The following ZNF568 variants were observed in gnomAD, a reference collection of about 807,000 sequenced individuals.
ZNF568 encodes zinc finger protein 568.
A neutral mutation model predicts 18.1 loss-of-function variants in ZNF568; 11 were observed. That is an observed-to-expected ratio of 0.61 (90% CI 0.38 to 1.00). The LOEUF (loss-of-function observed/expected upper bound fraction) is 1.00, where lower values mean the gene tolerates loss of function less well. Ranked by LOEUF, ZNF568 falls within the 50% of genes least tolerant of loss-of-function variation. The probability of loss-of-function intolerance (pLI) is 0.01; values close to 1 mark genes in which losing one functional copy is unlikely to be tolerated. For missense variants in ZNF568, 639 were observed against 768.2 expected, an observed-to-expected ratio of 0.83 and a Z score of 1.99; for synonymous variants, 213 against 246.6, an observed-to-expected ratio of 0.86 and a Z score of 1.28.
intron 7 of ZNF568, chr19:36,974,505 G>A (rs949447560): frequency 6.6e-7 from 1 of 1,524,086 alleles, no homozygotes; most frequent in African/African-American, 1.4e-5. Flanking sequence ...AGGACTTACT[G>A]GTTTTCAGGA....
chr19:36,946,026 C>A (rs563294871), intron 6 of ZNF568, among the ~76,000 whole-genome samples: 1 of 151,784 alleles, frequency 6.6e-6, no homozygotes, highest in African/African-American at 2.4e-5. Context: ...ACCCGGGAGG[C>A]GGAGGTTGCA....
chr19:36,944,683 C>T (rs1329430400), intron 6 of ZNF568, among the ~76,000 whole-genome samples: 1 of 152,138 alleles, frequency 6.6e-6, no homozygotes, highest in East Asian at 1.9e-4. Flanking sequence ...TTCTCCCCAT[C>T]ATCTTCCCAG....
intron 6 of ZNF568, among the ~76,000 whole-genome samples, chr19:36,972,621 C>G (rs1460967643): frequency 7.6e-6 from 1 of 130,890 alleles, no homozygotes; most frequent in South Asian, 2.4e-4. Flanking sequence ...CTTAGCCACC[C>G]GGCTTTATCG....
At chr19:36,958,616 CTTTTTTTTTT>C (rs35494587) in intron 6 of ZNF568, among the ~76,000 whole-genome samples, 1 of 99,130 alleles carries the variant, frequency 1.0e-5, no homozygotes, top group African/African-American at 4.5e-5. Context: ...CTTTTTCTTT[CTTTTTTTTTT>C]TTTTTTTTTT....
rs769012662 is a variant in ZNF568, at chr19:36,922,724, T to A, written c.-47T>A. 2.6e-5 allele frequency: 41 copies of A among 1,570,042 alleles called. 1 individual carries two copies. The South Asian group carries it at 4.2e-4, about 16-fold the overall frequency. Reference sequence around the variant, plus strand: ...CCTGAAAGAGAGTGGACCCTGGAGTTGCTGGAGCTTGTCTTGACCCTTCTG... The same window carrying A: ...CCTGAAAGAGAGTGGACCCTGGAGTAGCTGGAGCTTGTCTTGACCCTTCTG... On this transcript the variant is annotated 5_prime_UTR_variant, in exon 3 of 7. Coordinates refer to ENST00000333987, the MANE Select transcript of ZNF568 (RefSeq NM_198539.4).
downstream of ZNF568, chr19:36,997,347 A>T (rs759661504): frequency 6.2e-7 from 1 of 1,602,374 alleles, no homozygotes; most frequent in South Asian, 1.1e-5. Flanking sequence ...AACTTACCCG[A>T]CATCAGAGAG....
chr19:36,954,647 G>T (rs1036521754), downstream of ZNF568, among the ~76,000 whole-genome samples: 5 of 150,660 alleles, frequency 3.3e-5, no homozygotes. Context: ...TTGGCTCACT[G>T]CAACCTCTGC....
At chr19:36,995,955 G>T (rs926141742) in intron 4 of ZNF568, among the ~76,000 whole-genome samples, 3 of 152,100 alleles carry the variant, frequency 2.0e-5, no homozygotes, top group African/African-American at 7.2e-5. Context: ...ACTTGTGAAC[G>T]TGTTACTCTT....
intron 4 of ZNF568, among the ~76,000 whole-genome samples, chr19:36,927,292 G>T (rs2146274431): frequency 6.6e-6 from 1 of 152,134 alleles, no homozygotes; most frequent in East Asian, 1.9e-4. Context: ...ATTAATATTA[G>T]ATCATAGAGA....
intron 2 of ZNF568, among the ~76,000 whole-genome samples, chr19:36,921,108 C>T (rs1428315871): frequency 1.3e-5 from 2 of 152,192 alleles, no homozygotes; most frequent in Non-Finnish European, 2.9e-5. Context: ...ACACATTTCT[C>T]AGAGCATATC....
In ZNF568 at chr19:36,925,231, GGAA is replaced by G; in HGVS notation, c.114_116del (p.Glu39del). The G allele has an allele frequency of 6.2e-7, 1 of 1,614,018 alleles. No homozygotes were observed. Among genetic ancestry groups the G allele is most frequent in the African/African-American group, 1.3e-5 (1 of 75,012 alleles). On this transcript the variant is annotated inframe_deletion, in exon 4 of 7. Coordinates refer to ENST00000333987, the MANE Select transcript of ZNF568 (RefSeq NM_198539.4). ...GTTCTCAAGAGTCTGCCCTTTCCGAGGAAGAAGAGGATACAACCAGGCCTCTTG... is the reference window on the plus strand; with the variant it reads ...GTTCTCAAGAGTCTGCCCTTTCCGAGGAAGAGGATACAACCAGGCCTCTTG...
At position 36,991,209 on chromosome 19, in the gene ZNF568, T is replaced by C. The variant is rs1421317628; in HGVS notation, c.43T>C (p.Ser15Pro). 1.4e-5 allele frequency: 21 copies of C among 1,536,266 alleles called. 1 individual carries two copies. The East Asian group carries it at 4.6e-4, about 34-fold the overall frequency. Residue 15 changes from serine (S) to proline (P), a missense_variant, in exon 3 of 5, where the codon TCT (serine) becomes CCT (proline). Coordinates refer to the ZNF568 transcript ENST00000433993. ...GTTCAAAGATGTGGTCATTTACTTC[T>C]CTCAAAAGGAGTGGGAATGCTTGCA...
chr19:36,992,207 C>T (rs1378934333), intron 4 of ZNF568, among the ~76,000 whole-genome samples: 1 of 145,946 alleles, frequency 6.9e-6, no homozygotes, highest in Non-Finnish European at 1.5e-5. Flanking sequence ...TGTACCACTA[C>T]ACTCCAGCCT....
At position 36,991,258 on chromosome 19, in the gene ZNF568, G is replaced by A. The variant is rs747747829; in HGVS notation, c.92G>A (p.Arg31Gln). Residue 31 changes from arginine to glutamine, a missense_variant, in exon 3 of 5, where the codon CGA (arginine) becomes CAA (glutamine). Arg to Gln is a conservative substitution (Grantham distance 43, BLOSUM62 1). Transcript: ENST00000433993. ...CACTCTGCTCAGAAGGATTTGTACC[G>A]AGATGTAATGTTGGAAAATTACGGC... The A allele has an allele frequency of 7.2e-6, 11 of 1,535,462 alleles. No homozygotes were observed. In the Admixed American group the frequency reaches 7.9e-5, roughly 11 times the overall value.
intron 3 of ZNF568, chr19:36,991,493 T>C: frequency 1.4e-6 from 1 of 733,370 alleles, no homozygotes; most frequent in South Asian, 2.5e-5. Flanking sequence ...GCAGGCACCT[T>C]TATCTTCATT....
At chr19:36,961,080 A>AT (rs1335549326) in intron 6 of ZNF568, among the ~76,000 whole-genome samples, 1 of 152,054 alleles carries the variant, frequency 6.6e-6, no homozygotes, top group Non-Finnish European at 1.5e-5. Context: ...TAAAACTCTG[A>AT]TTTTTTAAAA....
chr19:36,980,717 T>C (rs775683272), downstream of ZNF568, among the ~76,000 whole-genome samples: 2 of 152,214 alleles, frequency 1.3e-5, no homozygotes, highest in Non-Finnish European at 2.9e-5. Context: ...CAGAGTATTG[T>C]CAACCAGAGA....
At chr19:36,941,647 T>G (rs73612927) in intron 6 of ZNF568, among the ~76,000 whole-genome samples, 1,530 of 152,324 alleles carry the variant, frequency 0.01, 30 homozygotes, top group African/African-American at 0.035. Flanking sequence ...GCCTGTGGTA[T>G]GCAGACTGCA....
Position 36,936,730 on chromosome 19 carries a change from C to T in ZNF568, c.136-16C>T. ...ATTTTGATGACTTCAAATTAATTAG[C>T]ATTATGTTTTTACAGGAAACAGTGA... On this transcript the variant is annotated splice_polypyrimidine_tract_variant and intron_variant, in intron 4 of 6. Transcript: ENST00000333987. 6.2e-7 allele frequency: 1 copy of T among 1,607,888 alleles called. No individual in the cohort carries two copies. Among genetic ancestry groups the T allele is most frequent in the Non-Finnish European group, 8.5e-7 (1 of 1,175,890 alleles).
Sources: allele counts gnomAD v4.1 joint callset (sites outside exome capture counted in the v4.1 genomes callset), GRCh38; gene constraint gnomAD v4.1.1; transcripts MANE v1.5; gene names NCBI Gene and HGNC (gene_info 2026-07-23, HGNC 2026-07-21).